Variants in EFCAB11 observed in about 807,000 individuals in gnomAD.
The protein encoded by EFCAB11 is EF-hand calcium-binding domain-containing protein 11.
In EFCAB11, 14 loss-of-function variants were observed where a neutral mutation model predicts 23.0. That is an observed-to-expected ratio of 0.61 (90% CI 0.40 to 0.95). The LOEUF (loss-of-function observed/expected upper bound fraction) is 0.95, where lower values mean the gene tolerates loss of function less well. Among genes scored for constraint, EFCAB11 ranks in the 40% least tolerant of loss-of-function variants. The pLI, the probability that EFCAB11 is intolerant of heterozygous loss-of-function variation, is 0.00. For synonymous variants in EFCAB11, 65 were observed against 66.6 expected, an observed-to-expected ratio of 0.98 and a Z score of 0.11; for missense variants, 198 against 195.8, an observed-to-expected ratio of 1.01 and a Z score of -0.07.
intron 5 of EFCAB11, among the ~76,000 whole-genome samples, chr14:89,920,899 T>C (rs1596455086): frequency 1.3e-5 from 2 of 152,140 alleles, no homozygotes. Flanking sequence ...ACCCCATCTC[T>C]ACTATAAATA....
At chr14:89,925,059 A>G (rs1380825593) in intron 5 of EFCAB11, among the ~76,000 whole-genome samples, 1 of 152,268 alleles carries the variant, frequency 6.6e-6, no homozygotes, top group Non-Finnish European at 1.5e-5. Context: ...AATACTATCA[A>G]CATTTAAGGA....
intron 5 of EFCAB11, among the ~76,000 whole-genome samples, chr14:89,875,921 A>G (rs1888423405): frequency 6.6e-6 from 1 of 152,194 alleles, no homozygotes; most frequent in Non-Finnish European, 1.5e-5. Context: ...ATTGGCTGTT[A>G]AAGGTCAGAC....
chr14:89,923,606 A>G, intron 5 of EFCAB11: 2 of 878,092 alleles, frequency 2.3e-6, no homozygotes, highest in Non-Finnish European at 2.7e-6. Context: ...GTATGGCTAC[A>G]AAGAATGAAA....
chr14:89,941,613 GCT>G (rs1312589548), intron 3 of EFCAB11, among the ~76,000 whole-genome samples: 2 of 145,456 alleles, frequency 1.4e-5, no homozygotes, highest in African/African-American at 5.1e-5. Context: ...ATATGGTCTT[GCT>G]CTGTTGCCCA....
In EFCAB11 at chr14:89,954,726, A is replaced by C; in HGVS notation, c.-66T>G. The C allele has an allele frequency of 6.4e-7, 1 of 1,563,406 alleles. No homozygotes were observed. The highest frequency in any genetic ancestry group is 8.6e-7 in the Non-Finnish European group (1 of 1,158,000). The stretch of plus-strand genomic sequence containing the variant: ...CCACCGCTTTCCCAGCCTGGCTGGC[A>C]GCCTACCGCGGCCACGCCCACCGCG... On this transcript the variant is annotated 5_prime_UTR_variant, in exon 1 of 6. Coordinates refer to ENST00000316738, the MANE Select transcript of EFCAB11 (RefSeq NM_145231.4).
chr14:89,933,143 T>C (rs926929126), intron 3 of EFCAB11, among the ~76,000 whole-genome samples: 2 of 152,120 alleles, frequency 1.3e-5, no homozygotes, highest in Non-Finnish European at 2.9e-5. Flanking sequence ...ACATAAACAA[T>C]ACAGCTGGCA....
chr14:89,797,294 G>C lies in EFCAB11; in HGVS notation c.441C>G (p.Val147=), dbSNP rs776925517. ...GGGCATATTCAAAGTCTCTAAAGCT[G>C]ACGTGACCATCTGAATCTCGATCTA... ...REVDRDSDGH[V]SFRDFEYALN... Residue 147 remains valine, a synonymous_variant, in exon 6 of 6, where the codon GTC becomes GTG. Coordinates refer to ENST00000316738, the MANE Select transcript of EFCAB11 (RefSeq NM_145231.4). 3.7e-6 allele frequency: 6 copies of C among 1,613,312 alleles called. No homozygotes were observed. Among genetic ancestry groups the C allele is most frequent in the Non-Finnish European group, 5.1e-6 (6 of 1,179,784 alleles).
intron 5 of EFCAB11, among the ~76,000 whole-genome samples, chr14:89,850,364 G>A (rs1566783646): frequency 6.6e-6 from 1 of 152,132 alleles, no homozygotes; most frequent in African/African-American, 2.4e-5. Flanking sequence ...TAGACTGTGC[G>A]ACCCACAGTG....
chr14:89,912,231 C>T (rs1596449239), intron 5 of EFCAB11, among the ~76,000 whole-genome samples: 1 of 151,912 alleles, frequency 6.6e-6, no homozygotes, highest in Admixed American at 6.6e-5. Flanking sequence ...CCTTTTACTC[C>T]CACTTAAAAA....
chr14:89,922,954 G>A (rs529706082), intron 5 of EFCAB11, among the ~76,000 whole-genome samples: 23 of 152,272 alleles, frequency 1.5e-4, no homozygotes, highest in Middle Eastern at 3.4e-3. Flanking sequence ...AGGATGAATC[G>A]AATTTGTATC....
chr14:89,809,013 C>T (rs946117113), intron 5 of EFCAB11, among the ~76,000 whole-genome samples: 2 of 152,188 alleles, frequency 1.3e-5, no homozygotes, highest in Admixed American at 6.5e-5. Flanking sequence ...TGTTTTCTAT[C>T]CCTGCATTAA....
intron 3 of EFCAB11, among the ~76,000 whole-genome samples, chr14:89,947,061 G>A (rs79400457): frequency 0.052 from 7,967 of 152,154 alleles, 345 homozygotes; most frequent in African/African-American, 0.11. Flanking sequence ...AATATGATAA[G>A]CATATTTTGG....
At chr14:89,818,962 T>C (rs1658900091) in intron 5 of EFCAB11, among the ~76,000 whole-genome samples, 1 of 152,154 alleles carries the variant, frequency 6.6e-6, no homozygotes, top group South Asian at 2.1e-4. Context: ...ATTAGGCAGT[T>C]TTGTAAAAAA....
chr14:89,873,303 C>T (rs1321549227), intron 5 of EFCAB11, among the ~76,000 whole-genome samples: 1 of 152,110 alleles, frequency 6.6e-6, no homozygotes, highest in Non-Finnish European at 1.5e-5. Flanking sequence ...AACCCACCCC[C>T]ATAATTCAAT....
At chr14:89,883,602 A>G (rs1184174340) in intron 5 of EFCAB11, among the ~76,000 whole-genome samples, 1 of 152,200 alleles carries the variant, frequency 6.6e-6, no homozygotes, top group East Asian at 1.9e-4. Context: ...AAAAGTCTGT[A>G]TATGTTCAGC....
rs1263255152 is a variant in EFCAB11 at position 89,886,538 on chromosome 14, AAAAAAAG to A, written c.410+44996_410+45002del. On this transcript the variant is annotated intron_variant, in intron 5 of 5. Transcript: ENST00000316738. ...GTCTCAAAAAAAAAAAAAAAAAAAA[AAAAAAAG>A]GAAAGTGATCTGCTTTACTCAAGAT... is the stretch of plus-strand genomic sequence containing the variant. Among the ~76,000 whole-genome samples the A allele has an allele frequency of 9.6e-4, 140 of 145,902 alleles. 3 individuals carry two copies. Among genetic ancestry groups the A allele is most frequent in the African/African-American group, 3.1e-3 (117 of 38,268 alleles).
chr14:89,897,876 T>TA (rs1466289882), intron 5 of EFCAB11, among the ~76,000 whole-genome samples: 3 of 152,172 alleles, frequency 2.0e-5, no homozygotes, highest in Non-Finnish European at 4.4e-5. Context: ...AGCATGTAAA[T>TA]ACGGTTGAAA....
chr14:89,888,139 G>A lies in EFCAB11; in HGVS notation c.410+43402C>T, dbSNP rs1184173907. 3.9e-5 allele frequency among the ~76,000 whole-genome samples: 6 copies of A among 152,330 alleles called. No individual in the cohort carries two copies. In the East Asian group the frequency reaches 1.2e-3, roughly 29 times the overall value. On this transcript the variant is annotated intron_variant, in intron 5 of 5. Coordinates refer to ENST00000316738, the MANE Select transcript of EFCAB11 (RefSeq NM_145231.4). ...TGCTATGGTCTGAATATTTGTGCCT[G>A]CCCCAAATGCATATGTTAAAACCTA...
At chr14:89,877,860 T>TAA (rs1238308227) in intron 5 of EFCAB11, among the ~76,000 whole-genome samples, 8 of 152,184 alleles carry the variant, frequency 5.3e-5, no homozygotes, top group Admixed American at 5.2e-4. Context: ...CTGCACACTT[T>TAA]AATTTACCAC....
Sources: allele counts gnomAD v4.1 joint callset (sites outside exome capture counted in the v4.1 genomes callset), GRCh38; gene constraint gnomAD v4.1.1; transcripts MANE v1.5; gene names NCBI Gene and HGNC (gene_info 2026-07-23, HGNC 2026-07-21).